Variants in ABL1 observed in about 807,000 individuals in gnomAD.
ABL1 encodes tyrosine-protein kinase ABL1.
ABL1 carries 11 observed loss-of-function variants against 94.7 expected under a neutral mutation model. The observed-to-expected ratio is 0.12, with a 90% confidence interval of 0.07 to 0.19. The LOEUF is 0.19. ABL1 is among the 10% of genes least tolerant of loss of function. ABL1 has a pLI of 1.00. For missense variants in ABL1, 1,082 were observed against 1,489.4 expected, an observed-to-expected ratio of 0.73 and a Z score of 4.50; for synonymous variants, 656 against 622.4, an observed-to-expected ratio of 1.05 and a Z score of -0.80.
intron 1 of ABL1, among the ~76,000 whole-genome samples, chr9:130,760,342 C>A (rs1489497712): frequency 1.3e-5 from 2 of 152,082 alleles, no homozygotes; most frequent in Non-Finnish European, 2.9e-5. Flanking sequence ...ATTCCTGTTC[C>A]TTTTGGGTTT....
chr9:130,759,824 A>C (rs2583849), intron 1 of ABL1, among the ~76,000 whole-genome samples: 1 of 151,646 alleles, frequency 6.6e-6, no homozygotes, highest in Non-Finnish European at 1.5e-5. Context: ...ACAGGGTCTC[A>C]CTCTGTTGCT....
At position 130,886,435 on chromosome 9, in the gene ABL1, T is replaced by C. The variant is rs1213042763; in HGVS notation, c.*752T>C. The stretch of plus-strand genomic sequence containing the variant: ...CATCCCCAGAGCCCAGCTCTTGCTC[T>C]CTTGTGACGTGCACTGTGAATCCTG... On this transcript the variant is annotated 3_prime_UTR_variant, in exon 11 of 11. Transcript: ENST00000318560. 1 of 233,520 alleles carries C rather than the reference T, an allele frequency of 4.3e-6. No homozygotes were observed. The highest frequency in any genetic ancestry group is 5.6e-5 in the Admixed American group (1 of 17,786). 14.5% of individuals were successfully genotyped at this position (233,520 alleles called of 1,614,324 possible).
chr9:130,830,370 T>C (rs1830480230), upstream of ABL1, among the ~76,000 whole-genome samples: 1 of 152,208 alleles, frequency 6.6e-6, no homozygotes, highest in African/African-American at 2.4e-5. Context: ...CATGAAATCA[T>C]GGGTCTGAAT....
intron 1 of ABL1, among the ~76,000 whole-genome samples, chr9:130,776,766 G>A (rs1829664179): frequency 6.6e-6 from 1 of 151,944 alleles, no homozygotes; most frequent in East Asian, 1.9e-4. Flanking sequence ...TCTTTGTTTG[G>A]TTTTAATTTG....
intron 1 of ABL1, among the ~76,000 whole-genome samples, chr9:130,751,114 GT>G (rs76073523): frequency 0.29 from 23,825 of 83,092 alleles, 3,177 homozygotes; most frequent in East Asian, 0.57. Context: ...TTTGAAACTT[GT>G]TTTTTTTATT....
chr9:130,797,621 C>G (rs546442321), intron 1 of ABL1, among the ~76,000 whole-genome samples: 2 of 152,158 alleles, frequency 1.3e-5, no homozygotes, highest in African/African-American at 4.8e-5. Context: ...GTGATCCGCC[C>G]TCCTCAGCCT....
intron 1 of ABL1, among the ~76,000 whole-genome samples, chr9:130,810,006 C>T (rs893690482): frequency 2.0e-5 from 3 of 152,108 alleles, no homozygotes; most frequent in Non-Finnish European, 2.9e-5. Context: ...CATCTAGGAC[C>T]GAGTGTGGTA....
chr9:130,763,310 C>T (rs1832140154), intron 1 of ABL1, among the ~76,000 whole-genome samples: 1 of 136,308 alleles, frequency 7.3e-6, no homozygotes. Flanking sequence ...ACCATCCACT[C>T]AACATTTTTG....
chr9:130,855,069 C>T lies in ABL1; in HGVS notation c.522C>T (p.Tyr174=). ...SLRYEGRVYH[Y]RINTASDGKL... ...GATACGAAGGGAGGGTGTACCATTACAGGATCAACACTGCTTCTGATGGCA... is the reference window on the plus strand; with the variant it reads ...GATACGAAGGGAGGGTGTACCATTATAGGATCAACACTGCTTCTGATGGCA... Residue 174 remains tyrosine, a synonymous_variant, in exon 3 of 11, where the codon TAC becomes TAT. Coordinates refer to ENST00000318560, the MANE Select transcript of ABL1 (RefSeq NM_005157.6). 2 of 1,614,124 alleles carry T rather than the reference C, an allele frequency of 1.2e-6. No homozygotes were observed. The highest frequency in any genetic ancestry group is 1.7e-6 in the Non-Finnish European group (2 of 1,180,016).
At chr9:130,767,298 T>G (rs1832195899) in intron 1 of ABL1, among the ~76,000 whole-genome samples, 1 of 152,230 alleles carries the variant, frequency 6.6e-6, no homozygotes, top group Admixed American at 6.5e-5. Flanking sequence ...CTTCTAAAGA[T>G]TCACATGGCC....
Position 130,872,091 on chromosome 9 carries a change from C to G in ABL1, c.823-38C>G. The G allele has an allele frequency of 1.9e-6, 3 of 1,597,298 alleles. No individual in the cohort carries two copies. The highest frequency in any genetic ancestry group is 2.6e-6 in the Non-Finnish European group (3 of 1,165,668). ...AGTACTTACCCACTGAAAAGCACTT[C>G]CTGAAATAATTTCACCTTCGTTTTT... On this transcript the variant is annotated intron_variant, in intron 4 of 10. Coordinates refer to ENST00000318560, the MANE Select transcript of ABL1 (RefSeq NM_005157.6). The surrounding 1 kb of genome is among the most constrained non-coding windows in gnomAD (Gnocchi z 5.0).
intron 3 of ABL1, among the ~76,000 whole-genome samples, chr9:130,856,338 T>C (rs1002632579): frequency 6.6e-6 from 1 of 152,192 alleles, no homozygotes; most frequent in African/African-American, 2.4e-5. Context: ...TCCACCTGCC[T>C]CAGCATCCCA....
At chr9:130,848,559 CT>C (rs1420910905) in intron 1 of ABL1, among the ~76,000 whole-genome samples, 1 of 151,200 alleles carries the variant, frequency 6.6e-6, no homozygotes, top group Non-Finnish European at 1.5e-5. Context: ...TCTATTAAAG[CT>C]TTTTTATGTT....
chr9:130,736,563 C>A (rs937643389), intron 1 of ABL1, among the ~76,000 whole-genome samples: 6 of 148,302 alleles, frequency 4.0e-5, no homozygotes, highest in African/African-American at 1.5e-4. Context: ...TGATCTCGGC[C>A]CCACCGCAAC....
intron 1 of ABL1, among the ~76,000 whole-genome samples, chr9:130,730,598 G>T (rs1831651897): frequency 6.6e-6 from 1 of 151,418 alleles, no homozygotes; most frequent in South Asian, 2.1e-4. Flanking sequence ...TTGAGGCAGA[G>T]TCTTATTCTG....
intron 1 of ABL1, among the ~76,000 whole-genome samples, chr9:130,751,678 G>T (rs577386794): frequency 1.2e-4 from 18 of 152,218 alleles, no homozygotes; most frequent in Admixed American, 9.2e-4. Context: ...AGCCAGGTAT[G>T]GTCAGCCAGC....
chr9:130,756,532 GCT>G (rs1220090587), intron 1 of ABL1, among the ~76,000 whole-genome samples: 3 of 152,118 alleles, frequency 2.0e-5, no homozygotes, highest in Admixed American at 2.0e-4. Flanking sequence ...AAGCCACTGA[GCT>G]CTGTTTTACT....
At chr9:130,733,676 T>C (rs1831695827) in intron 1 of ABL1, among the ~76,000 whole-genome samples, 1 of 148,550 alleles carries the variant, frequency 6.7e-6, no homozygotes, top group Non-Finnish European at 1.5e-5. Flanking sequence ...CCACCTGGGT[T>C]CACACCATTC....
intron 3 of ABL1, among the ~76,000 whole-genome samples, chr9:130,856,270 T>G (rs1355339052): frequency 1.3e-5 from 2 of 152,204 alleles, no homozygotes; most frequent in Admixed American, 6.5e-5. Flanking sequence ...GTATTTTTAG[T>G]AGAGACAGGG....
Sources: allele counts gnomAD v4.1 joint callset (sites outside exome capture counted in the v4.1 genomes callset), GRCh38; gene constraint gnomAD v4.1.1; non-coding constraint Gnocchi (gnomAD v3.1); transcripts MANE v1.5; gene names NCBI Gene and HGNC (gene_info 2026-07-23, HGNC 2026-07-21).